ADSL: variants seen among roughly 807,000 people sequenced by gnomAD.
The protein encoded by ADSL is adenylosuccinase.
Under a neutral mutation model 62.1 loss-of-function variants are expected in ADSL, and 44 were observed. That is an observed-to-expected ratio of 0.71 (90% CI 0.56 to 0.91). ADSL has a LOEUF of 0.91. ADSL is among the 40% of genes least tolerant of loss of function. The probability of loss-of-function intolerance (pLI) is 0.00; values close to 1 mark genes in which losing one functional copy is unlikely to be tolerated. For synonymous variants in ADSL, 198 were observed against 220.5 expected (o/e 0.90, Z 0.90); for missense variants, 531 against 627.4 (o/e 0.85, Z 1.64).
At chr22:40,371,884 A>G (rs2045571480), downstream of ADSL, among the ~76,000 whole-genome samples, 1 of 150,980 alleles carries the variant, frequency 6.6e-6, no homozygotes, top group Non-Finnish European at 1.5e-5. Context: ...TTTAATAGAG[A>G]CGGGGTTTTT....
chr22:40,362,608 C>T (rs979480463), intron 9 of ADSL, among the ~76,000 whole-genome samples: 7 of 152,092 alleles, frequency 4.6e-5, no homozygotes, highest in Non-Finnish European at 8.8e-5. Flanking sequence ...GGTGGTTGAC[C>T]GGAGTGAGTA....
chr22:40,353,374 C>G lies in ADSL; in HGVS notation c.402+257C>G. ...GGGGCGTGATCAAGGCTTATTGCAA[C>G]CTCCGCCTCCCAGGCTCAGACAGCT... On this transcript the variant is annotated intron_variant, in intron 3 of 12. Coordinates refer to ENST00000623063, the MANE Select transcript of ADSL (RefSeq NM_000026.4). The G allele has an allele frequency of 5.7e-6, 4 of 702,560 alleles. 1 individual carries two copies. The highest frequency in any genetic ancestry group is 1.0e-5 in the Non-Finnish European group (4 of 385,030). The allele number at this position is 702,560 out of a possible 1,614,324, so 43.5% of individuals were successfully genotyped here. A position where few individuals can be genotyped will look rare whatever the true frequency, so the allele number is the denominator to read the frequency against.
At chr22:40,386,940 A>T (rs940219557) in intron 2 of ADSL, among the ~76,000 whole-genome samples, 14 of 152,104 alleles carry the variant, frequency 9.2e-5, no homozygotes, top group Admixed American at 7.9e-4. Flanking sequence ...CACACAAAAA[A>T]TTTTTTTTAG....
chr22:40,346,801 C>A (rs1193001807), intron 1 of ADSL, 90 bp downstream of exon 1: 3 of 1,362,416 alleles, frequency 2.2e-6, no homozygotes, highest in Non-Finnish European at 1.0e-6. Context: ...GCTTAGCCAC[C>A]CCGGAGCTGC....
At chr22:40,360,651 C>T (rs1432133602) in intron 7 of ADSL, among the ~76,000 whole-genome samples, 159 bp downstream of exon 7, 1 of 152,012 alleles carries the variant, frequency 6.6e-6, no homozygotes, top group East Asian at 1.9e-4. Context: ...GGGGAAGACT[C>T]GTTTTGGCAT....
At chr22:40,354,216 A>G in intron 3 of ADSL, 32 bp from the exon 4 acceptor site, 1 of 1,595,254 alleles carries the variant, frequency 6.3e-7, no homozygotes, top group Non-Finnish European at 8.6e-7. Flanking sequence ...ACCTGAATTC[A>G]ACCTCTTTCT....
At chr22:40,354,107 CA>C (rs935512243) in intron 3 of ADSL, 140 bp from the exon 4 acceptor site, 1 of 836,536 alleles carries the variant, frequency 1.2e-6, no homozygotes, top group Non-Finnish European at 2.1e-6. Context: ...CTTTAGGGTA[CA>C]AAGATGGAAG....
downstream of ADSL, among the ~76,000 whole-genome samples, chr22:40,370,216 C>T (rs1376375213): frequency 6.6e-6 from 1 of 151,880 alleles, no homozygotes; most frequent in African/African-American, 2.4e-5. Flanking sequence ...ATTAGCTGGG[C>T]GTGGTGGCGG....
chr22:40,360,208 CTTGT>C (rs755330462), intron 6 of ADSL, among the ~76,000 whole-genome samples, 190 bp from the exon 7 acceptor site: 2 of 152,110 alleles, frequency 1.3e-5, no homozygotes, highest in Non-Finnish European at 2.9e-5. Context: ...TGTGTTTTTC[CTTGT>C]TTGACAGAGT....
intron 2 of ADSL, chr22:40,378,100 C>G (rs1285160894): frequency 6.6e-6 from 1 of 152,128 alleles, no homozygotes; most frequent in Non-Finnish European, 1.5e-5. Context: ...CAAGCCAAGA[C>G]AAGATGGTCA....
chr22:40,364,794 C>T, intron 11 of ADSL, 86 bp from the exon 12 acceptor site: 1 of 1,401,300 alleles, frequency 7.1e-7, no homozygotes, highest in Non-Finnish European at 1.0e-6. Flanking sequence ...GTGTAGACTG[C>T]ATGGATGGGA....
chr22:40,379,813 A>C, intron 2 of ADSL, among the ~76,000 whole-genome samples: 1 of 152,058 alleles, frequency 6.6e-6, no homozygotes, highest in East Asian at 1.9e-4. Flanking sequence ...GGCCCAAGCA[A>C]TCCTCCCACC....
At chr22:40,383,397 G>A (rs1319235313) in intron 2 of ADSL, among the ~76,000 whole-genome samples, 1 of 151,592 alleles carries the variant, frequency 6.6e-6, no homozygotes, top group Non-Finnish European at 1.5e-5. Flanking sequence ...AACCTGGGAG[G>A]TGGAGCTCGC....
Position 40,369,012 on chromosome 22 carries a change from CT to C in ADSL, c.*2492del, listed in dbSNP as rs1223819981. On this transcript the variant is annotated 3_prime_UTR_variant, in exon 13 of 13. Coordinates refer to ENST00000623063, the MANE Select transcript of ADSL (RefSeq NM_000026.4). ...GGACTCTGACCAGATATTCTGTCTA[CT>C]TCCTTCTCTGCTATGGGCAACTTGG... The C allele has an allele frequency of 2.0e-5, 3 of 152,236 alleles. No individual in the cohort carries two copies. The highest frequency in any genetic ancestry group is 7.2e-5 in the African/African-American group (3 of 41,458). The allele number at this position is 152,236 out of a possible 1,614,324, so 9.4% of individuals were successfully genotyped here.
intron 2 of ADSL, among the ~76,000 whole-genome samples, chr22:40,350,663 G>C (rs2044311548): frequency 6.6e-6 from 1 of 151,888 alleles, no homozygotes; most frequent in African/African-American, 2.4e-5. Context: ...CTGTCACCCA[G>C]GCGGGAGTGC....
At chr22:40,360,295 A>T (rs975392560) in intron 6 of ADSL, 107 bp from the exon 7 acceptor site, 1 of 876,402 alleles carries the variant, frequency 1.1e-6, no homozygotes, top group Non-Finnish European at 1.9e-6. Flanking sequence ...TCCTGAGTTA[A>T]AGCAGTCCTC....
intron 2 of ADSL, among the ~76,000 whole-genome samples, chr22:40,383,249 C>T (rs185596569): frequency 2.0e-5 from 3 of 151,940 alleles, no homozygotes; most frequent in African/African-American, 4.8e-5. Flanking sequence ...GGGCAGATCA[C>T]GAGGTCAGGA....
chr22:40,371,457 T>C (rs1264160865), downstream of ADSL, among the ~76,000 whole-genome samples: 1 of 152,214 alleles, frequency 6.6e-6, no homozygotes, highest in African/African-American at 2.4e-5. Flanking sequence ...ACCTTTCTTA[T>C]TCTTTCTTAG....
rs187343155 is a variant in ADSL at position 40,383,430 on chromosome 22, G to A, written c.90-6800G>A. ...CGCAGTGAGCCGAGATCACGCCACTGCACTCCACCCTTGGCGACAGAGCGA... is the reference window on the plus strand; with the variant it reads ...CGCAGTGAGCCGAGATCACGCCACTACACTCCACCCTTGGCGACAGAGCGA... On this transcript the variant is annotated intron_variant, in intron 2 of 2. Coordinates refer to the ADSL transcript ENST00000498234. 1.4e-3 allele frequency among the ~76,000 whole-genome samples: 214 copies of A among 148,818 alleles called. 3 individuals carry two copies. The highest frequency in any genetic ancestry group is 0.011 in the Middle Eastern group (3 of 282).
Sources: allele counts gnomAD v4.1 joint callset (sites outside exome capture counted in the v4.1 genomes callset), GRCh38; gene constraint gnomAD v4.1.1; transcripts MANE v1.5; gene names NCBI Gene and HGNC (gene_info 2026-07-23, HGNC 2026-07-21).